Variants in MAOA observed in about 807,000 individuals in gnomAD.
MAOA encodes amine oxidase [flavin-containing] A.
Under a neutral mutation model 42.0 loss-of-function variants are expected in MAOA, and 6 were observed. That is an observed-to-expected ratio of 0.14 (90% CI 0.08 to 0.28). The LOEUF (loss-of-function observed/expected upper bound fraction) is 0.28, where lower values mean the gene tolerates loss of function less well. Among genes scored for constraint, MAOA ranks in the 10% least tolerant of loss-of-function variants. The probability of loss-of-function intolerance (pLI) is 1.00; values close to 1 mark genes in which losing one functional copy is unlikely to be tolerated. For missense variants in MAOA, 262 were observed against 422.3 expected (o/e 0.62, Z 3.33); for synonymous variants, 140 against 154.0 (o/e 0.91, Z 0.67).
intron 3 of MAOA, among the ~76,000 whole-genome samples, chrX:43,705,202 A>G (rs1337135797): frequency 8.9e-6 from 1 of 112,273 alleles, no homozygotes; most frequent in Non-Finnish European, 1.9e-5. Context: ...TTCAAAAATT[A>G]CTATGAAGCT....
chrX:43,740,578 C>T, intron 10 of MAOA, 103 bp from the exon 11 acceptor site: 1 of 652,761 alleles, frequency 1.5e-6, no homozygotes, highest in Non-Finnish European at 2.2e-6. Context: ...TGTAATAAAT[C>T]TGGTTGATAC....
chrX:43,714,911 C>T (rs1219932528), intron 5 of MAOA, among the ~76,000 whole-genome samples: 9 of 108,827 alleles, frequency 8.3e-5, no homozygotes, highest in African/African-American at 3.0e-4. Flanking sequence ...ATTACCCAAA[C>T]CAGAAGGGTG....
chrX:43,716,242 A>G lies in MAOA; in HGVS notation c.503+3446A>G, dbSNP rs1343538552. 3.6e-5 allele frequency among the ~76,000 whole-genome samples: 4 copies of G among 110,556 alleles called. No individual in the cohort carries two copies. The East Asian group carries it at 1.2e-3, about 32-fold the overall frequency. The stretch of plus-strand genomic sequence containing the variant: ...TGAGCCACCGAGGTTGGGGTGAGAC[A>G]GGTAGGTGGATGGTTTTGTAGAATG... On this transcript the variant is annotated intron_variant, in intron 5 of 14. Coordinates refer to ENST00000338702, the MANE Select transcript of MAOA (RefSeq NM_000240.4).
At chrX:43,714,658 C>A (rs2033725747) in intron 5 of MAOA, among the ~76,000 whole-genome samples, 1 of 109,054 alleles carries the variant, frequency 9.2e-6, no homozygotes, top group Non-Finnish European at 1.9e-5. Context: ...GTTGCATCTT[C>A]CAGGAATGCC....
At chrX:43,673,469 A>G (rs1474368924) in intron 1 of MAOA, among the ~76,000 whole-genome samples, 1 of 103,446 alleles carries the variant, frequency 9.7e-6, no homozygotes, top group Non-Finnish European at 2.0e-5. Flanking sequence ...GATTTTAGTT[A>G]TTTCTTGCCT....
chrX:43,691,642 G>A (rs2033534064), intron 2 of MAOA, among the ~76,000 whole-genome samples: 1 of 111,521 alleles, frequency 9.0e-6, no homozygotes, highest in Non-Finnish European at 1.9e-5. Context: ...AGCCTAGCTA[G>A]TTCTACAGGC....
intron 3 of MAOA, among the ~76,000 whole-genome samples, chrX:43,706,388 G>A (rs2179098): frequency 0.022 from 2,461 of 111,506 alleles, 42 homozygotes; most frequent in Admixed American, 0.078. Flanking sequence ...CACAAAAGCC[G>A]CCAGAAGAAC....
intron 3 of MAOA, among the ~76,000 whole-genome samples, chrX:43,703,745 G>T (rs780303179): frequency 1.8e-5 from 2 of 111,573 alleles, no homozygotes; most frequent in African/African-American, 6.5e-5. Flanking sequence ...CCCTGTCTTT[G>T]ATAGTCAAGA....
intron 1 of MAOA, among the ~76,000 whole-genome samples, chrX:43,665,202 A>G (rs1452177979): frequency 8.9e-6 from 1 of 111,955 alleles, no homozygotes; most frequent in Admixed American, 9.5e-5. Flanking sequence ...GAGAGATTAA[A>G]CAAGCTTTCC....
upstream of MAOA, chrX:43,656,219 C>G (rs1053143268): frequency 1.7e-6 from 1 of 604,364 alleles, no homozygotes; most frequent in African/African-American, 2.2e-5. Context: ...CGGCTCCCCC[C>G]GGGTATCAAA....
At chrX:43,688,598 G>A (rs760986178) in intron 2 of MAOA, among the ~76,000 whole-genome samples, 253 of 111,918 alleles carry the variant, frequency 2.3e-3, no homozygotes, top group African/African-American at 3.3e-3. Flanking sequence ...CTTGAGGCTC[G>A]CTTTATAACC....
At chrX:43,699,403 G>A (rs2033605174) in intron 3 of MAOA, among the ~76,000 whole-genome samples, 1 of 107,684 alleles carries the variant, frequency 9.3e-6, no homozygotes, top group Admixed American at 1.0e-4. Flanking sequence ...TCATAATGCA[G>A]GTAGGGTGAG....
At chrX:43,743,303 C>T (rs191419039) in intron 12 of MAOA, among the ~76,000 whole-genome samples, 1 of 111,193 alleles carries the variant, frequency 9.0e-6, no homozygotes, top group Admixed American at 9.5e-5. Flanking sequence ...CATATAATGT[C>T]TCAGGTCTCT....
intron 3 of MAOA, among the ~76,000 whole-genome samples, chrX:43,695,315 T>C (rs1340501202): frequency 8.9e-6 from 1 of 112,163 alleles, no homozygotes; most frequent in East Asian, 2.8e-4. Context: ...CTTACTCTTC[T>C]TCCAGTTTCA....
At chrX:43,709,654 A>G (rs1417845206) in intron 3 of MAOA, among the ~76,000 whole-genome samples, 1 of 111,789 alleles carries the variant, frequency 8.9e-6, no homozygotes. Context: ...TCCAGATTTC[A>G]GTTAAAGGAG....
At chrX:43,686,537 G>T (rs1426703707) in intron 2 of MAOA, among the ~76,000 whole-genome samples, 3 of 112,651 alleles carry the variant, frequency 2.7e-5, no homozygotes, top group African/African-American at 9.7e-5. Flanking sequence ...GGTGGCTCAC[G>T]CCTGTAATCC....
At chrX:43,655,293 A>G (rs1293729093), upstream of MAOA, 4 of 112,519 alleles carry the variant, frequency 3.6e-5, no homozygotes, top group Admixed American at 3.7e-4. Context: ...CACCTCCTAC[A>G]GCCTGTCCGA....
chrX:43,744,583 A>T lies in MAOA; in HGVS notation c.*70A>T. On this transcript the variant is annotated 3_prime_UTR_variant, in exon 15 of 15. Coordinates refer to ENST00000338702, the MANE Select transcript of MAOA (RefSeq NM_000240.4). ...AAGAGGAAAATATTGACAAGTTTAAAGGCTGTGTCATTGGGCCATGTTTAA... is the reference window on the plus strand; with the variant it reads ...AAGAGGAAAATATTGACAAGTTTAATGGCTGTGTCATTGGGCCATGTTTAA... 2 of 1,114,635 alleles carry T rather than the reference A, an allele frequency of 1.8e-6. No individual in the cohort carries two copies. Among genetic ancestry groups the T allele is most frequent in the Non-Finnish European group, 2.5e-6 (2 of 808,284 alleles). The allele number at this position is 1,114,635 out of a possible 1,213,427, so 91.9% of individuals were successfully genotyped here.
chrX:43,727,473 T>C (rs761163573), intron 5 of MAOA, among the ~76,000 whole-genome samples: 1 of 112,180 alleles, frequency 8.9e-6, no homozygotes, highest in Non-Finnish European at 1.9e-5. Flanking sequence ...AGCATAAAAC[T>C]GCCTACTCAA....
Sources: allele counts gnomAD v4.1 joint callset (sites outside exome capture counted in the v4.1 genomes callset), GRCh38; gene constraint gnomAD v4.1.1; transcripts MANE v1.5; gene names NCBI Gene and HGNC (gene_info 2026-07-23, HGNC 2026-07-21).